The following GALNT18 variants were observed in gnomAD, a reference collection of about 807,000 sequenced individuals.
GALNT18 encodes the protein polypeptide N-acetylgalactosaminyltransferase 18.
In GALNT18, 44 loss-of-function variants were observed where a neutral mutation model predicts 69.5. That is an observed-to-expected ratio of 0.63 (90% CI 0.50 to 0.81). The LOEUF (loss-of-function observed/expected upper bound fraction) is 0.81. GALNT18 is among the 40% of genes least tolerant of loss of function. The probability of loss-of-function intolerance (pLI) is 0.00; values close to 1 mark genes in which losing one functional copy is unlikely to be tolerated. For synonymous variants in GALNT18, 364 were observed against 318.2 expected (o/e 1.14, Z -1.53); for missense variants, 715 against 810.0 (o/e 0.88, Z 1.42).
At chr11:11,388,450 A>G (rs1033519054) in intron 3 of GALNT18, among the ~76,000 whole-genome samples, 1 of 152,232 alleles carries the variant, frequency 6.6e-6, no homozygotes, top group African/African-American at 2.4e-5. Flanking sequence ...TGTTCTAACC[A>G]AAGTTTAACA....
Position 11,389,426 on chromosome 11 carries a change from T to C in GALNT18, c.596-10162A>G, listed in dbSNP as rs574285313. The stretch of plus-strand genomic sequence containing the variant: ...TAAATGACCTTGGCAAAGGGCCACC[T>C]CGCCTTTGTACTTCCTGGGGCTGTG... On this transcript the variant is annotated intron_variant, in intron 3 of 10. Coordinates refer to ENST00000227756, the MANE Select transcript of GALNT18 (RefSeq NM_198516.3). This position sits in a 1 kb window ranked among gnomAD's most constrained non-coding sequence, Gnocchi z 4.3. Among the ~76,000 whole-genome samples, 16 of 152,336 alleles carry C rather than the reference T, an allele frequency of 1.1e-4. No individual in the cohort carries two copies. The highest frequency in any genetic ancestry group is 3.8e-4 in the African/African-American group (16 of 41,574).
intron 1 of GALNT18, among the ~76,000 whole-genome samples, chr11:11,510,980 G>T (rs7932656): frequency 0.025 from 3,807 of 152,064 alleles, 112 homozygotes; most frequent in African/African-American, 0.066. Flanking sequence ...TGAGGATGGT[G>T]CCCGGACAGA....
At chr11:11,399,126 G>A (rs1409443832) in intron 3 of GALNT18, among the ~76,000 whole-genome samples, 2 of 152,168 alleles carry the variant, frequency 1.3e-5, no homozygotes, top group Non-Finnish European at 2.9e-5. Context: ...GTCATGAATG[G>A]GATTAGTGCC....
rs947484740 is a variant in GALNT18 at position 11,347,284 on chromosome 11, A to G, written c.1093-6280T>C. ...ACAACTGAGAGTTGTAAATTGGGTT[A>G]AAATAGGGACACATAGTAGACAAAG... On this transcript the variant is annotated intron_variant, in intron 6 of 10. Coordinates refer to ENST00000227756, the MANE Select transcript of GALNT18 (RefSeq NM_198516.3). The surrounding 1 kb of genome is among the most constrained non-coding windows in gnomAD (Gnocchi z 4.0). Among the ~76,000 whole-genome samples, 1 of 152,212 alleles carries G rather than the reference A, an allele frequency of 6.6e-6. No individual in the cohort carries two copies.
At chr11:11,504,493 A>G (rs1003034507) in intron 1 of GALNT18, among the ~76,000 whole-genome samples, 16 of 152,074 alleles carry the variant, frequency 1.1e-4, no homozygotes, top group Admixed American at 1.0e-3. Context: ...GTGATGGCTC[A>G]TGTGTGTAAT....
In GALNT18 at chr11:11,465,213, G is replaced by A. The variant is rs536238713; in HGVS notation, c.236-16277C>T. 6.6e-6 allele frequency among the ~76,000 whole-genome samples: 1 copy of A among 152,306 alleles called. No individual in the cohort carries two copies. Among genetic ancestry groups the A allele is most frequent in the Non-Finnish European group, 1.5e-5 (1 of 68,024 alleles). On this transcript the variant is annotated intron_variant, in intron 1 of 10. Transcript: ENST00000227756. The surrounding 1 kb of genome is among the most constrained non-coding windows in gnomAD (Gnocchi z 5.7). ...CCCCATTCCTGCTGAGGTCAGGGGA[G>A]GAAGGGATGTCAAGGAGGCCACATT...
intron 1 of GALNT18, among the ~76,000 whole-genome samples, chr11:11,520,538 G>T (rs941515708): frequency 7.2e-5 from 11 of 152,340 alleles, no homozygotes; most frequent in Admixed American, 2.6e-4. Context: ...ATGACCTAGG[G>T]CCTGTGTGGC....
At chr11:11,533,561 C>T (rs369407457) in intron 1 of GALNT18, among the ~76,000 whole-genome samples, 3 of 152,334 alleles carry the variant, frequency 2.0e-5, no homozygotes, top group South Asian at 4.1e-4. Flanking sequence ...TGGGCCCCTA[C>T]GGCACTGAGT....
At chr11:11,353,464 T>C (rs535086321) in intron 6 of GALNT18, 22 of 409,280 alleles carry the variant, frequency 5.4e-5, no homozygotes, top group South Asian at 2.2e-4. Context: ...CTTGTGGACA[T>C]GCTTGTGCTA....
chr11:11,368,286 G>C (rs1850816667), intron 6 of GALNT18, among the ~76,000 whole-genome samples: 1 of 151,936 alleles, frequency 6.6e-6, no homozygotes, highest in Non-Finnish European at 1.5e-5. Context: ...TATCTAAATG[G>C]GGATATCTTT....
In GALNT18 at chr11:11,451,950, A is replaced by C. The variant is rs186574293; in HGVS notation, c.236-3014T>G. On this transcript the variant is annotated intron_variant, in intron 1 of 10. Coordinates refer to ENST00000227756, the MANE Select transcript of GALNT18 (RefSeq NM_198516.3). The stretch of plus-strand genomic sequence containing the variant: ...GGGCCACTACTTGTCTTTGTAAATA[A>C]AGTTTTATTAGAACACAGTCACATC... 7.0e-4 allele frequency among the ~76,000 whole-genome samples: 107 copies of C among 152,342 alleles called. No individual in the cohort carries two copies. In the Middle Eastern group the frequency reaches 0.014, roughly 19 times the overall value.
At chr11:11,478,363 T>C (rs1856447074) in intron 1 of GALNT18, among the ~76,000 whole-genome samples, 3 of 152,250 alleles carry the variant, frequency 2.0e-5, no homozygotes, top group South Asian at 4.1e-4. Flanking sequence ...CCATGGCCTC[T>C]TTCTTGGGAA....
At chr11:11,403,159 C>G (rs80340425) in intron 3 of GALNT18, among the ~76,000 whole-genome samples, 1 of 152,150 alleles carries the variant, frequency 6.6e-6, no homozygotes, top group African/African-American at 2.4e-5. Flanking sequence ...CTTGAACTTG[C>G]GGCATCCTTC....
At position 11,432,451 on chromosome 11, in the gene GALNT18, C is replaced by T. The variant is rs1293800472; in HGVS notation, c.595+170G>A. On this transcript the variant is annotated intron_variant, in intron 3 of 10. Transcript: ENST00000227756. The surrounding 1 kb of genome is among the most constrained non-coding windows in gnomAD (Gnocchi z 5.8). ...CCCTCTGGGATGCAGAGGCCATGCTCAGACGGAGTGAACCTTCTGAAGCAG... is the reference window on the plus strand; with the variant it reads ...CCCTCTGGGATGCAGAGGCCATGCTTAGACGGAGTGAACCTTCTGAAGCAG... 6.6e-6 allele frequency among the ~76,000 whole-genome samples: 1 copy of T among 152,232 alleles called. No individual in the cohort carries two copies. Among genetic ancestry groups the T allele is most frequent in the Admixed American group, 6.5e-5 (1 of 15,282 alleles).
At chr11:11,489,055 G>A (rs1368721987) in intron 1 of GALNT18, among the ~76,000 whole-genome samples, 2 of 152,232 alleles carry the variant, frequency 1.3e-5, no homozygotes, top group African/African-American at 4.8e-5. Flanking sequence ...TATGATCCAG[G>A]CACAGTGAAG....
chr11:11,356,268 C>A lies in GALNT18; in HGVS notation c.1093-15264G>T, dbSNP rs1850527917. On this transcript the variant is annotated intron_variant, in intron 6 of 10. Transcript: ENST00000227756. This position sits in a 1 kb window ranked among gnomAD's most constrained non-coding sequence, Gnocchi z 4.4. Reference sequence around the variant, plus strand: ...AACCCTTGCTCAGTTTGTGGCAGTTCTTCTGAGGAAATGATTCTGGCCTTG... The same window carrying A: ...AACCCTTGCTCAGTTTGTGGCAGTTATTCTGAGGAAATGATTCTGGCCTTG... Among the ~76,000 whole-genome samples, 2 of 152,148 alleles carry A rather than the reference C, an allele frequency of 1.3e-5. No homozygotes were observed. Among genetic ancestry groups the A allele is most frequent in the South Asian group, 4.1e-4 (2 of 4,824 alleles).
chr11:11,554,668 G>A (rs915602877), intron 1 of GALNT18, among the ~76,000 whole-genome samples: 2 of 152,118 alleles, frequency 1.3e-5, no homozygotes, highest in African/African-American at 4.8e-5. Context: ...CCCAGAGCCT[G>A]GAATGGAACT....
chr11:11,399,980 G>T (rs1190684648), intron 3 of GALNT18, among the ~76,000 whole-genome samples: 1 of 152,206 alleles, frequency 6.6e-6, no homozygotes, highest in African/African-American at 2.4e-5. Flanking sequence ...CAAAAATGAA[G>T]CTTTATTTCT....
At chr11:11,509,950 T>C (rs1321177900) in intron 1 of GALNT18, among the ~76,000 whole-genome samples, 3 of 152,206 alleles carry the variant, frequency 2.0e-5, no homozygotes. Flanking sequence ...ACAGCATCGG[T>C]GGTCACATCC....
Sources: allele counts gnomAD v4.1 joint callset (sites outside exome capture counted in the v4.1 genomes callset), GRCh38; gene constraint gnomAD v4.1.1; non-coding constraint Gnocchi (gnomAD v3.1); transcripts MANE v1.5; gene names NCBI Gene and HGNC (gene_info 2026-07-23, HGNC 2026-07-21).